The following CCNH variants were observed in gnomAD, a reference collection of about 807,000 sequenced individuals.
CCNH encodes the protein cyclin-H.
CCNH carries 31 observed loss-of-function variants against 41.9 expected under a neutral mutation model. The observed-to-expected ratio is 0.74, with a 90% CI of 0.56 to 1.00. The LOEUF is 1.00. Among genes scored for constraint, CCNH ranks in the 50% least tolerant of loss-of-function variants. The pLI is 0.00. For synonymous variants in CCNH, 138 were observed against 136.1 expected, an observed-to-expected ratio of 1.01 and a Z score of -0.10; for missense variants, 362 against 388.4, an observed-to-expected ratio of 0.93 and a Z score of 0.57.
downstream of CCNH, among the ~76,000 whole-genome samples, chr5:87,390,155 C>T (rs1205933185): frequency 6.6e-6 from 1 of 152,174 alleles, no homozygotes; most frequent in Non-Finnish European, 1.5e-5. Context: ...TTTGAAGGGA[C>T]TTAATACCAG....
At chr5:87,316,011 T>C (rs760095583), downstream of CCNH, among the ~76,000 whole-genome samples, 33 of 152,238 alleles carry the variant, frequency 2.2e-4, no homozygotes, top group Admixed American at 3.9e-4. Flanking sequence ...AAAAAAATTA[T>C]GGACACTATG....
At chr5:87,322,501 G>A (rs1756900894) in intron 9 of CCNH, among the ~76,000 whole-genome samples, 1 of 152,158 alleles carries the variant, frequency 6.6e-6, no homozygotes, top group South Asian at 2.1e-4. Context: ...CCTGGTGCCG[G>A]AGGTTGGGGA....
chr5:87,399,601 A>C (rs1054307776), intron 6 of CCNH, 96 bp from the exon 7 acceptor site: 37 of 755,804 alleles, frequency 4.9e-5, no homozygotes, highest in Non-Finnish European at 7.9e-5. Context: ...ATAGGAAACA[A>C]CACTCTTCAA....
downstream of CCNH, chr5:87,391,014 A>T: frequency 1.1e-6 from 1 of 919,032 alleles, no homozygotes. Context: ...TGAGCTATGC[A>T]AACAAAATCC....
intron 4 of CCNH, 112 bp downstream of exon 4, chr5:87,407,864 T>C (rs1763913766): frequency 2.6e-6 from 2 of 768,694 alleles, no homozygotes; most frequent in African/African-American, 1.7e-5. Context: ...GACCCACAGG[T>C]TGTATCCATG....
chr5:87,351,485 G>C (rs2923744), intron 9 of CCNH, among the ~76,000 whole-genome samples: 151,752 of 151,780 alleles, frequency 1, 75,862 homozygotes, highest in Non-Finnish European at 1. Flanking sequence ...ATCTAGACTT[G>C]AAGAAGAAGA....
intron 9 of CCNH, among the ~76,000 whole-genome samples, chr5:87,334,200 A>G (rs1007246229): frequency 1.3e-5 from 2 of 152,202 alleles, no homozygotes; most frequent in Admixed American, 6.5e-5. Context: ...CCAGTGGTAT[A>G]ATTCAGTCTA....
intron 1 of CCNH, 148 bp from the exon 2 acceptor site, chr5:87,411,494 A>G (rs375785370): frequency 1.5e-6 from 1 of 648,058 alleles, no homozygotes; most frequent in South Asian, 2.6e-5. Context: ...TTCGCTAATC[A>G]TTACACAAAA....
chr5:87,385,831 C>T (rs902887475), intron 9 of CCNH, among the ~76,000 whole-genome samples: 7 of 151,976 alleles, frequency 4.6e-5, no homozygotes, highest in African/African-American at 1.2e-4. Flanking sequence ...TCACCTAATA[C>T]GTGACAGACT....
At chr5:87,372,245 C>T (rs1761002359), downstream of CCNH, 1 of 1,517,256 alleles carries the variant, frequency 6.6e-7, no homozygotes. Context: ...TGCTCTAACA[C>T]TTTGCTCTTT....
chr5:87,405,431 C>G (rs1490844271), intron 4 of CCNH, among the ~76,000 whole-genome samples: 1 of 152,180 alleles, frequency 6.6e-6, no homozygotes, highest in Non-Finnish European at 1.5e-5. Flanking sequence ...CGAATTCCCA[C>G]AGAAAAAGTT....
chr5:87,394,732 T>C (rs1762783187), intron 8 of CCNH: 4 of 1,326,802 alleles, frequency 3.0e-6, no homozygotes, highest in East Asian at 2.8e-5. Context: ...ACTTGACAGA[T>C]AGAAAATTTT....
downstream of CCNH, chr5:87,372,019 A>G: frequency 1.1e-6 from 1 of 919,064 alleles, no homozygotes; most frequent in South Asian, 1.6e-5. Context: ...AGTCTAGAGA[A>G]GGAAAAAATT....
chr5:87,366,298 T>C (rs912165145), intron 9 of CCNH: 2 of 359,050 alleles, frequency 5.6e-6, no homozygotes, highest in Non-Finnish European at 1.2e-5. Context: ...TTGCAATATC[T>C]GTAAGATTGA....
At position 87,412,765 on chromosome 5, in the gene CCNH, G is replaced by C. The variant is rs1353452063; in HGVS notation, c.30C>G (p.His10Gln). ...GCTGCTCCTCGCTGGAGAAGGTCCA[G>C]TGCCGCTTCTGACTACTGTTGTGGT... The part of the protein sequence containing the change: MYHNSSQKR[H>Q]WTFSSEEQLA... Residue 10 changes from histidine to glutamine, a missense_variant, in exon 1 of 9, where the codon CAC becomes CAG. Physicochemically the swap from His to Gln is conservative, Grantham distance 24 (BLOSUM62 0). Transcript: ENST00000256897. The C allele has an allele frequency of 6.2e-7, 1 of 1,614,192 alleles. No homozygotes were observed. The highest frequency in any genetic ancestry group is 2.2e-5 in the East Asian group (1 of 44,872).
At chr5:87,314,088 G>T (rs184374928), downstream of CCNH, among the ~76,000 whole-genome samples, 1 of 152,286 alleles carries the variant, frequency 6.6e-6, no homozygotes. Flanking sequence ...CAGGAGAATC[G>T]CTTGAACCCG....
At chr5:87,387,586 G>A (rs2112519420), downstream of CCNH, among the ~76,000 whole-genome samples, 1 of 152,208 alleles carries the variant, frequency 6.6e-6, no homozygotes, top group East Asian at 1.9e-4. Context: ...CATGTGAATA[G>A]AGCCAGGTGT....
intron 9 of CCNH, among the ~76,000 whole-genome samples, chr5:87,334,094 G>A (rs1282196674): frequency 6.6e-6 from 1 of 152,170 alleles, no homozygotes; most frequent in Non-Finnish European, 1.5e-5. Flanking sequence ...GTGTTCTCTA[G>A]AGGAGATTTT....
At chr5:87,312,285 AAC>A in the CCNH span, among the ~76,000 whole-genome samples, 2 of 152,254 alleles carry the variant, frequency 1.3e-5, no homozygotes. Context: ...TGAATGCAGA[AAC>A]AGATAAGGAA....
Sources: gnomAD v4.1 joint callset for allele counts (sites outside exome capture counted in the v4.1 genomes callset) on GRCh38, gnomAD v4.1.1 for gene constraint, MANE v1.5 for transcripts, NCBI Gene and HGNC (gene_info 2026-07-23, HGNC 2026-07-21) for gene names.